CDH13: variants seen among roughly 807,000 people sequenced by gnomAD.
CDH13 encodes cadherin 13.
Under a neutral mutation model 63.8 loss-of-function variants are expected in CDH13, and 24 were observed. That is an observed-to-expected ratio of 0.38 (90% CI 0.27 to 0.53). CDH13 has a LOEUF of 0.53. CDH13 is among the 20% of genes least tolerant of loss of function. The pLI is 0.85. For missense variants in CDH13, 1,049 were observed against 903.1 expected (o/e 1.16, Z -2.07); for synonymous variants, 503 against 355.3 (o/e 1.42, Z -4.67).
At chr16:83,405,714 T>C (rs1273831944) in intron 6 of CDH13, among the ~76,000 whole-genome samples, 1 of 152,248 alleles carries the variant, frequency 6.6e-6, no homozygotes, top group Non-Finnish European at 1.5e-5. Context: ...ACTCTGTATG[T>C]GCACTGAGTT....
chr16:83,623,255 TC>T (rs1158676221), intron 8 of CDH13, among the ~76,000 whole-genome samples: 1 of 152,070 alleles, frequency 6.6e-6, no homozygotes, highest in African/African-American at 2.4e-5. Flanking sequence ...TATTACAGAC[TC>T]CAGGAAGCCA....
chr16:83,605,255 G>A (rs116555711), intron 8 of CDH13, among the ~76,000 whole-genome samples: 1 of 152,290 alleles, frequency 6.6e-6, no homozygotes, highest in South Asian at 2.1e-4. Context: ...GTGATAACAA[G>A]TACACTAGAC....
At chr16:83,673,591 G>GA (rs1016736760) in intron 9 of CDH13, among the ~76,000 whole-genome samples, 3 of 151,546 alleles carry the variant, frequency 2.0e-5, no homozygotes, top group Admixed American at 6.6e-5. Context: ...AACGAAAAAA[G>GA]AAAAAAAAGA....
chr16:83,184,570 C>G (rs1215595870), intron 4 of CDH13, among the ~76,000 whole-genome samples: 2 of 152,144 alleles, frequency 1.3e-5, no homozygotes, highest in East Asian at 1.9e-4. Flanking sequence ...GCCTGGCCAA[C>G]ATGGTGAAAC....
chr16:83,192,763 G>A lies in CDH13; in HGVS notation c.484-24582G>A, dbSNP rs1260443936. 3.3e-5 allele frequency among the ~76,000 whole-genome samples: 5 copies of A among 152,070 alleles called. No individual in the cohort carries two copies. In the East Asian group the frequency reaches 9.6e-4, roughly 29 times the overall value. ...GGACTATACAGACACTTTATCTTGTGGTGACCTGATGCATGCACCAGGCCA... is the reference window on the plus strand; with the variant it reads ...GGACTATACAGACACTTTATCTTGTAGTGACCTGATGCATGCACCAGGCCA... On this transcript the variant is annotated intron_variant, in intron 4 of 13. Transcript: ENST00000567109.
At chr16:82,937,367 T>A (rs551730736) in intron 2 of CDH13, among the ~76,000 whole-genome samples, 2 of 152,194 alleles carry the variant, frequency 1.3e-5, no homozygotes, top group South Asian at 4.1e-4. Flanking sequence ...CTATTTTTTC[T>A]TTGTCTCTCT....
At chr16:83,649,154 T>A (rs1912124122) in intron 8 of CDH13, among the ~76,000 whole-genome samples, 1 of 152,240 alleles carries the variant, frequency 6.6e-6, no homozygotes, top group Admixed American at 6.5e-5. Context: ...GAGGTTAAAG[T>A]GGCCACAGGC....
chr16:82,868,061 G>T (rs1393090691), intron 2 of CDH13, among the ~76,000 whole-genome samples: 1 of 152,200 alleles, frequency 6.6e-6, no homozygotes, highest in Non-Finnish European at 1.5e-5. Context: ...CAGGTTGGGA[G>T]ACTGATTAAT....
intron 1 of CDH13, chr16:82,705,390 C>T (rs1464154405): frequency 1.1e-5 from 3 of 272,084 alleles, no homozygotes; most frequent in African/African-American, 6.7e-5. Flanking sequence ...GTCTCATTAG[C>T]CAAGCCACAC....
Position 83,602,699 on chromosome 16 carries a change from C to T in CDH13, c.1101+105C>T, listed in dbSNP as rs1907966694. The T allele has an allele frequency of 2.7e-6, 3 of 1,113,212 alleles. No homozygotes were observed. The African/African-American group carries it at 4.6e-5, about 17-fold the overall frequency. 69.0% of individuals were successfully genotyped at this position (1,113,212 alleles called of 1,614,324 possible). A position where few individuals can be genotyped will look rare whatever the true frequency, so the allele number is the denominator to read the frequency against. On this transcript the variant is annotated intron_variant, in intron 8 of 13. Coordinates refer to ENST00000567109, the MANE Select transcript of CDH13 (RefSeq NM_001257.5). ...CACCTGCTGGCCCCCCTTTCAAAATCAAAATACTCCTTTGTGGGAGAGACG... is the reference window on the plus strand; with the variant it reads ...CACCTGCTGGCCCCCCTTTCAAAATTAAAATACTCCTTTGTGGGAGAGACG...
chr16:83,014,491 T>TG (rs1295040374), intron 2 of CDH13, among the ~76,000 whole-genome samples: 2 of 151,534 alleles, frequency 1.3e-5, no homozygotes, highest in Non-Finnish European at 2.9e-5. Flanking sequence ...CTCAGCACTT[T>TG]GGGAGGCCAA....
intron 10 of CDH13, among the ~76,000 whole-genome samples, chr16:83,742,896 G>A (rs866806711): frequency 6.6e-6 from 1 of 152,186 alleles, no homozygotes; most frequent in African/African-American, 2.4e-5. Context: ...GTCTCCCATG[G>A]GAGGAGGCAC....
At chr16:83,618,970 A>G (rs1384053549) in intron 8 of CDH13, among the ~76,000 whole-genome samples, 2 of 152,226 alleles carry the variant, frequency 1.3e-5, no homozygotes. Context: ...CAGACTGAGT[A>G]TCAGTTTTTC....
Position 83,427,877 on chromosome 16 carries a change from C to T in CDH13, c.782-58600C>T, listed in dbSNP as rs145147264. 6.9e-3 allele frequency among the ~76,000 whole-genome samples: 1,055 copies of T among 152,334 alleles called. 9 individuals are homozygous for T. The highest frequency in any genetic ancestry group is 0.01 in the Non-Finnish European group (702 of 68,024). On this transcript the variant is annotated intron_variant, in intron 6 of 13. Coordinates refer to ENST00000567109, the MANE Select transcript of CDH13 (RefSeq NM_001257.5). ...TACATTCCTGTGACTCCTTTCAGGGCCGTGAAGATGTTCCTTGGACCCAGG... is the reference window on the plus strand; with the variant it reads ...TACATTCCTGTGACTCCTTTCAGGGTCGTGAAGATGTTCCTTGGACCCAGG...
At chr16:83,281,003 G>A (rs948751346) in intron 5 of CDH13, among the ~76,000 whole-genome samples, 1 of 152,154 alleles carries the variant, frequency 6.6e-6, no homozygotes, top group Non-Finnish European at 1.5e-5. Context: ...TTTCAGAATG[G>A]CCAATAAGCA....
intron 5 of CDH13, among the ~76,000 whole-genome samples, chr16:83,310,546 C>T (rs569984369): frequency 1.3e-5 from 2 of 152,324 alleles, no homozygotes; most frequent in Non-Finnish European, 2.9e-5. Context: ...TAAACCATCA[C>T]CTCCTCTTCC....
intron 2 of CDH13, among the ~76,000 whole-genome samples, chr16:82,943,817 A>C (rs1397728786): frequency 6.6e-6 from 1 of 152,214 alleles, no homozygotes; most frequent in African/African-American, 2.4e-5. Context: ...ACAAAATGCT[A>C]TTAATAATGA....
chr16:83,383,731 T>G (rs957465165), intron 6 of CDH13, among the ~76,000 whole-genome samples: 23 of 152,220 alleles, frequency 1.5e-4, no homozygotes, highest in African/African-American at 4.6e-4. Context: ...TCATTTATTT[T>G]TACTGCTTAC....
intron 2 of CDH13, among the ~76,000 whole-genome samples, chr16:82,981,374 A>C (rs1441832269): frequency 1.3e-5 from 2 of 152,066 alleles, no homozygotes; most frequent in Non-Finnish European, 2.9e-5. Flanking sequence ...ATGAATCTCC[A>C]GTCTTGAAGC....
Sources: gnomAD v4.1 joint callset for allele counts (sites outside exome capture counted in the v4.1 genomes callset) on GRCh38, gnomAD v4.1.1 for gene constraint, MANE v1.5 for transcripts, NCBI Gene and HGNC (gene_info 2026-07-23, HGNC 2026-07-21) for gene names.